FOXP2: variants seen among roughly 807,000 people sequenced by gnomAD.
FOXP2 encodes forkhead box P2.
In FOXP2, 12 loss-of-function variants were observed where a neutral mutation model predicts 115.8. The observed-to-expected ratio is 0.10, with a 90% CI of 0.07 to 0.17. The LOEUF (loss-of-function observed/expected upper bound fraction) is 0.17. FOXP2 is among the 10% of genes least tolerant of loss of function. The pLI is 1.00. For missense variants in FOXP2, 629 were observed against 843.5 expected, an observed-to-expected ratio of 0.75 and a Z score of 3.15; for synonymous variants, 328 against 297.7, an observed-to-expected ratio of 1.10 and a Z score of -1.05.
intron 3 of FOXP2, among the ~76,000 whole-genome samples, chr7:114,595,461 T>G (rs767044249): frequency 5.9e-5 from 9 of 152,086 alleles, no homozygotes; most frequent in Non-Finnish European, 1.0e-4. Flanking sequence ...AAAAAGTAAC[T>G]ACTATTTTTT....
intron 3 of FOXP2, among the ~76,000 whole-genome samples, chr7:114,598,365 A>G (rs1802836582): frequency 6.6e-6 from 1 of 152,114 alleles, no homozygotes; most frequent in Non-Finnish European, 1.5e-5. Context: ...AATTAGTGAT[A>G]TATCTTTTGA....
intron 1 of FOXP2, among the ~76,000 whole-genome samples, chr7:114,257,951 GA>G (rs2129170788): frequency 6.6e-6 from 1 of 152,330 alleles, no homozygotes; most frequent in African/African-American, 2.4e-5. Flanking sequence ...GCCAGATAGA[GA>G]AGGGCCCAAA....
intron 1 of FOXP2, among the ~76,000 whole-genome samples, chr7:114,149,406 A>C (rs1792469838): frequency 6.6e-6 from 1 of 152,090 alleles, no homozygotes; most frequent in Non-Finnish European, 1.5e-5. Flanking sequence ...ATAAACTAAT[A>C]AAAAAGCTGT....
At chr7:114,170,289 A>G (rs1450496068) in intron 1 of FOXP2, among the ~76,000 whole-genome samples, 1 of 152,102 alleles carries the variant, frequency 6.6e-6, no homozygotes, top group African/African-American at 2.4e-5. Context: ...TGCTCCACCA[A>G]CTGGTCCTTC....
At chr7:114,142,245 A>C (rs1792237162) in intron 1 of FOXP2, among the ~76,000 whole-genome samples, 1 of 152,072 alleles carries the variant, frequency 6.6e-6, no homozygotes, top group African/African-American at 2.4e-5. Flanking sequence ...GCTAATCTCG[A>C]ACTCCTGACC....
chr7:114,639,350 C>T (rs1426703600), intron 6 of FOXP2, among the ~76,000 whole-genome samples: 1 of 152,046 alleles, frequency 6.6e-6, no homozygotes, highest in African/African-American at 2.4e-5. Context: ...TCAATGGAAT[C>T]TACAAATATT....
chr7:114,344,543 T>G (rs1791293937), intron 2 of FOXP2, among the ~76,000 whole-genome samples: 2 of 151,832 alleles, frequency 1.3e-5, no homozygotes, highest in Admixed American at 6.6e-5. Context: ...AATCTGGGGT[T>G]TAGTGCCAGG....
chr7:114,224,074 C>A (rs1794688549), intron 1 of FOXP2, among the ~76,000 whole-genome samples: 1 of 151,976 alleles, frequency 6.6e-6, no homozygotes, highest in South Asian at 2.1e-4. Flanking sequence ...GATTTGGGCA[C>A]CGTTTTGAAT....
chr7:114,681,807 A>C (rs1808095422), intron 16 of FOXP2, among the ~76,000 whole-genome samples: 1 of 152,200 alleles, frequency 6.6e-6, no homozygotes, highest in African/African-American at 2.4e-5. Flanking sequence ...TAATAACTCT[A>C]ATGCCAGGCA....
At chr7:114,402,886 A>T (rs1225904738) in intron 2 of FOXP2, among the ~76,000 whole-genome samples, 2 of 151,904 alleles carry the variant, frequency 1.3e-5, no homozygotes, top group African/African-American at 2.4e-5. Flanking sequence ...TCCTTAAGTG[A>T]TCTTCCCACC....
At chr7:114,580,343 T>C (rs1040725048) in intron 3 of FOXP2, among the ~76,000 whole-genome samples, 13 of 152,116 alleles carry the variant, frequency 8.5e-5, no homozygotes, top group Non-Finnish European at 1.8e-4. Context: ...TTTGGGAGGC[T>C]GAGGCGGGTG....
intron 1 of FOXP2, among the ~76,000 whole-genome samples, chr7:114,103,409 A>G (rs191162234): frequency 1.5e-4 from 23 of 152,178 alleles, no homozygotes; most frequent in Non-Finnish European, 2.5e-4. Flanking sequence ...TTTAGGTTTT[A>G]AAAAATGTAT....
intron 2 of FOXP2, among the ~76,000 whole-genome samples, chr7:114,318,577 A>G (rs894769506): frequency 6.6e-6 from 1 of 151,916 alleles, no homozygotes; most frequent in South Asian, 2.1e-4. Flanking sequence ...TTTCTAATAA[A>G]TGAATTTAAA....
At chr7:114,566,303 G>A (rs1418535140) in intron 3 of FOXP2, among the ~76,000 whole-genome samples, 1 of 152,046 alleles carries the variant, frequency 6.6e-6, no homozygotes, top group Non-Finnish European at 1.5e-5. Flanking sequence ...CTATAGCTTG[G>A]ATATTTTTCC....
chr7:114,661,958 T>C (rs949918714), intron 13 of FOXP2, 107 bp from the exon 14 acceptor site: 36 of 1,392,858 alleles, frequency 2.6e-5, no homozygotes, highest in Non-Finnish European at 1.5e-5. Flanking sequence ...CTTAAACATG[T>C]TAAGATTTTT....
At chr7:114,309,821 C>CACTCA (rs543320548) in intron 2 of FOXP2, among the ~76,000 whole-genome samples, 106 of 151,306 alleles carry the variant, frequency 7.0e-4, no homozygotes, top group African/African-American at 2.5e-3. Context: ...CATGCCACCA[C>CACTCA]ACTCAACTCT....
At chr7:114,187,412 T>C (rs2063829413) in intron 1 of FOXP2, among the ~76,000 whole-genome samples, 1 of 152,196 alleles carries the variant, frequency 6.6e-6, no homozygotes, top group Non-Finnish European at 1.5e-5. Context: ...TTGTTGCTAC[T>C]TTATAACAAG....
At chr7:114,269,104 G>A (rs1375503626) in intron 1 of FOXP2, among the ~76,000 whole-genome samples, 1 of 151,924 alleles carries the variant, frequency 6.6e-6, no homozygotes, top group Admixed American at 6.6e-5. Context: ...AAACAAATAG[G>A]GCCTATACTT....
chr7:114,402,365 G>A (rs1792906740), intron 2 of FOXP2, among the ~76,000 whole-genome samples: 1 of 152,130 alleles, frequency 6.6e-6, no homozygotes, highest in Non-Finnish European at 1.5e-5. Flanking sequence ...TCACTGTCAA[G>A]ATGCTTTCAA....
Sources: allele counts gnomAD v4.1 joint callset (sites outside exome capture counted in the v4.1 genomes callset), GRCh38; gene constraint gnomAD v4.1.1; transcripts MANE v1.5; gene names NCBI Gene and HGNC (gene_info 2026-07-23, HGNC 2026-07-21).